LMX1B: variants seen among roughly 807,000 people sequenced by gnomAD.
LMX1B encodes LIM homeobox transcription factor 1 beta, also known as LIM homeobox transcription factor 1-beta.
A neutral mutation model predicts 51.4 loss-of-function variants in LMX1B; 12 were observed. The ratio of observed to expected loss-of-function variants is 0.23; its 90% CI spans 0.15 to 0.38. The LOEUF is 0.38. LMX1B is among the 10% of genes least tolerant of loss of function. The pLI is 1.00. For synonymous variants in LMX1B, 237 were observed against 235.4 expected (o/e 1.01, Z -0.06); for missense variants, 445 against 571.1 (o/e 0.78, Z 2.25).
In LMX1B at chr9:126,681,780, A is replaced by C. The variant is rs1397699565; in HGVS notation, c.327-9056A>C. Among the ~76,000 whole-genome samples, 2 of 152,060 alleles carry C rather than the reference A, an allele frequency of 1.3e-5. 1 individual carries two copies. The highest frequency in any genetic ancestry group is 4.2e-4 in the South Asian group (2 of 4,816). ...GCCGAGTGTGGTGGCGGATGCCTGT[A>C]ATCCCAGCTACTTGGGAGGCTGAGG... On this transcript the variant is annotated intron_variant, in intron 2 of 7. Coordinates refer to ENST00000373474, the MANE Select transcript of LMX1B (RefSeq NM_001174147.2).
intron 2 of LMX1B, among the ~76,000 whole-genome samples, chr9:126,647,964 G>C (rs1292586411): frequency 6.6e-6 from 1 of 152,220 alleles, no homozygotes; most frequent in Non-Finnish European, 1.5e-5. Flanking sequence ...GCTGCCGTCT[G>C]TGCCCTCCCA....
At chr9:126,687,522 G>A (rs537778017) in intron 2 of LMX1B, among the ~76,000 whole-genome samples, 9 of 152,314 alleles carry the variant, frequency 5.9e-5, no homozygotes, top group South Asian at 2.1e-4. Context: ...GAGCCACCGC[G>A]CTGGCCTGAT....
At position 126,671,654 on chromosome 9, in the gene LMX1B, C is replaced by T. The variant is rs1164185300; in HGVS notation, c.327-19182C>T. On this transcript the variant is annotated intron_variant, in intron 2 of 7. Coordinates refer to ENST00000373474, the MANE Select transcript of LMX1B (RefSeq NM_001174147.2). The surrounding 1 kb of genome is among the most constrained non-coding windows in gnomAD (Gnocchi z 4.4). ...TATCTTTTGAAAGATAGGCGCACCC[C>T]GGGATGAGAGGTCAGCGGGCCTGCC... Among the ~76,000 whole-genome samples, 2 of 152,178 alleles carry T rather than the reference C, an allele frequency of 1.3e-5. No homozygotes were observed. Among genetic ancestry groups the T allele is most frequent in the African/African-American group, 4.8e-5 (2 of 41,434 alleles).
At position 126,696,713 on chromosome 9, in the gene LMX1B, G is replaced by A. The variant is rs532925261; in HGVS notation, c.*262G>A. ...ACCCAGAGCTCTCGGACGGCCACTC[G>A]CCTCCCAGCCCCACCTCGGCCTCCA... is the stretch of plus-strand genomic sequence containing the variant. On this transcript the variant is annotated 3_prime_UTR_variant, in exon 8 of 8. Coordinates refer to ENST00000373474, the MANE Select transcript of LMX1B (RefSeq NM_001174147.2). 48 of 550,110 alleles carry A rather than the reference G, an allele frequency of 8.7e-5. No individual in the cohort carries two copies. Among genetic ancestry groups the A allele is most frequent in the East Asian group, 8.3e-4 (27 of 32,632 alleles). The allele number at this position is 550,110 out of a possible 1,614,324, so 34.1% of individuals were successfully genotyped here.
intron 2 of LMX1B, among the ~76,000 whole-genome samples, chr9:126,621,298 G>T (rs1264971579): frequency 6.6e-6 from 1 of 152,230 alleles, no homozygotes; most frequent in Non-Finnish European, 1.5e-5. Context: ...TCAGTTGGGG[G>T]TGCCCGAGGA....
At chr9:126,676,372 G>A (rs1401816645) in intron 2 of LMX1B, among the ~76,000 whole-genome samples, 1 of 152,156 alleles carries the variant, frequency 6.6e-6, no homozygotes. Flanking sequence ...CTGTCTCCCA[G>A]TGGCTTGTTC....
In LMX1B at chr9:126,699,134, T is replaced by C. The variant is rs892046489; in HGVS notation, c.*2683T>C. Reference sequence around the variant, plus strand: ...CCTATCCCCCAGGAGACCTGGCCCTTCTCTCTCAGACCCAATAAGTTGGAA... The same window carrying C: ...CCTATCCCCCAGGAGACCTGGCCCTCCTCTCTCAGACCCAATAAGTTGGAA... On this transcript the variant is annotated 3_prime_UTR_variant, in exon 8 of 8. Coordinates refer to ENST00000373474, the MANE Select transcript of LMX1B (RefSeq NM_001174147.2). 2.0e-5 allele frequency: 3 copies of C among 152,206 alleles called. No homozygotes were observed. The highest frequency in any genetic ancestry group is 7.2e-5 in the African/African-American group (3 of 41,440). The allele number at this position is 152,206 out of a possible 1,614,324, so 9.4% of individuals were successfully genotyped here.
intron 2 of LMX1B, among the ~76,000 whole-genome samples, chr9:126,628,762 A>G (rs1010552515): frequency 1.3e-5 from 2 of 152,146 alleles, no homozygotes; most frequent in African/African-American, 2.4e-5. Flanking sequence ...TTTTCAGGCT[A>G]TCTCTAAGCC....
chr9:126,631,942 G>T (rs1405772252), intron 2 of LMX1B, among the ~76,000 whole-genome samples: 1 of 152,068 alleles, frequency 6.6e-6, no homozygotes, highest in Non-Finnish European at 1.5e-5. Context: ...CTCAAAGGGG[G>T]CCACCTTTGA....
At chr9:126,681,578 C>CG (rs1374115465) in intron 2 of LMX1B, among the ~76,000 whole-genome samples, 1 of 152,062 alleles carries the variant, frequency 6.6e-6, no homozygotes, top group Non-Finnish European at 1.5e-5. Flanking sequence ...CCGGTGCCCC[C>CG]CCTACAGGTG....
At chr9:126,691,539 T>C (rs2030131981) in intron 3 of LMX1B, among the ~76,000 whole-genome samples, 1 of 152,176 alleles carries the variant, frequency 6.6e-6, no homozygotes, top group Non-Finnish European at 1.5e-5. Flanking sequence ...TGCACATATA[T>C]GTTTGTCCAC....
chr9:126,620,203 C>A (rs542188373), intron 2 of LMX1B, among the ~76,000 whole-genome samples: 1 of 152,158 alleles, frequency 6.6e-6, no homozygotes, highest in Non-Finnish European at 1.5e-5. Context: ...ATGAGGAGCA[C>A]CCTGGGGAAG....
chr9:126,690,910 G>A lies in LMX1B; in HGVS notation c.401G>A (p.Cys134Tyr), dbSNP rs1479085456. 4 of 1,613,914 alleles carry A rather than the reference G, an allele frequency of 2.5e-6. No individual in the cohort carries two copies. The highest frequency in any genetic ancestry group is 1.7e-5 in the Admixed American group (1 of 59,998). Residue 134 changes from cysteine to tyrosine, a missense_variant, in exon 3 of 8, where the codon TGC (cysteine) becomes TAC (tyrosine). By Grantham distance (194) the Cys-to-Tyr change is radical (BLOSUM62 -2). This residue lies in a region of LMX1B where 273 missense variants were observed against 343.3 expected (regional missense o/e 0.80). Coordinates refer to ENST00000373474, the MANE Select transcript of LMX1B (RefSeq NM_001174147.2). ...GAGTTCGTGATGCGGGCGCTGGAGTGCGTGTACCACCTGGGCTGCTTCTGC... is the reference window on the plus strand; with the variant it reads ...GAGTTCGTGATGCGGGCGCTGGAGTACGTGTACCACCTGGGCTGCTTCTGC... ...PTEFVMRALE[C>Y]VYHLGCFCCC...
At chr9:126,661,241 C>T (rs566631641) in intron 2 of LMX1B, among the ~76,000 whole-genome samples, 2 of 125,182 alleles carry the variant, frequency 1.6e-5, no homozygotes, top group South Asian at 2.6e-4. Context: ...GGACGCCCCA[C>T]GCAGGGCGAC....
At chr9:126,680,383 C>G (rs1167553475) in intron 2 of LMX1B, among the ~76,000 whole-genome samples, 1 of 152,218 alleles carries the variant, frequency 6.6e-6, no homozygotes, top group Non-Finnish European at 1.5e-5. Flanking sequence ...CCTCTGCAAG[C>G]AGCACTTTCC....
chr9:126,689,112 G>T (rs77912467), intron 2 of LMX1B, among the ~76,000 whole-genome samples: 1 of 152,230 alleles, frequency 6.6e-6, no homozygotes, highest in Non-Finnish European at 1.5e-5. Context: ...ATCAGAGAAG[G>T]CTTCCCAGAG....
chr9:126,630,441 G>T (rs937583584), intron 2 of LMX1B, among the ~76,000 whole-genome samples: 2 of 152,202 alleles, frequency 1.3e-5, no homozygotes, highest in African/African-American at 4.8e-5. Context: ...ATCACTGGGG[G>T]GGAGGGTTGT....
intron 2 of LMX1B, among the ~76,000 whole-genome samples, chr9:126,616,316 G>A (rs982908453): frequency 6.6e-6 from 1 of 152,192 alleles, no homozygotes; most frequent in South Asian, 2.1e-4. Context: ...CTCTGCCCTG[G>A]TATAACCCAA....
At chr9:126,683,218 C>T (rs1438442039) in intron 2 of LMX1B, among the ~76,000 whole-genome samples, 1 of 151,008 alleles carries the variant, frequency 6.6e-6, no homozygotes, top group East Asian at 1.9e-4. Context: ...CCCGCGAGGC[C>T]CGCAGAGCGC....
Sources: gnomAD v4.1 joint callset for allele counts (sites outside exome capture counted in the v4.1 genomes callset) on GRCh38, gnomAD v4.1.1 for gene constraint, gnomAD v4.1.1 regional missense constraint, Gnocchi (gnomAD v3.1) non-coding constraint, MANE v1.5 for transcripts, NCBI Gene and HGNC (gene_info 2026-07-23, HGNC 2026-07-21) for gene names.